MAPK1IP1L: variants seen among roughly 807,000 people sequenced by gnomAD.
The protein encoded by MAPK1IP1L is mitogen-activated protein kinase 1 interacting protein 1 like.
Under a neutral mutation model 18.1 loss-of-function variants are expected in MAPK1IP1L, and 10 were observed. That is an observed-to-expected ratio of 0.55 (90% CI 0.34 to 0.94). The LOEUF (loss-of-function observed/expected upper bound fraction) is 0.94. Ranked by LOEUF, MAPK1IP1L falls within the 40% of genes least tolerant of loss-of-function variation. MAPK1IP1L has a pLI of 0.02. For missense variants in MAPK1IP1L, 260 were observed against 318.2 expected (o/e 0.82, Z 1.39); for synonymous variants, 115 against 117.3 (o/e 0.98, Z 0.13).
intron 1 of MAPK1IP1L, among the ~76,000 whole-genome samples, chr14:55,052,146 G>A (rs1235621290): frequency 2.1e-5 from 3 of 140,896 alleles, no homozygotes; most frequent in African/African-American, 5.2e-5. Context: ...CGGCGGGCGC[G>A]ACCCGCTAGG....
chr14:55,064,467 T>TA, intron 3 of MAPK1IP1L, 149 bp from the exon 4 acceptor site: 1 of 584,200 alleles, frequency 1.7e-6, no homozygotes, highest in East Asian at 2.9e-5. Flanking sequence ...TATCTAAAAA[T>TA]ATTTGTTTTG....
chr14:55,052,637 T>C (rs2140255926), intron 1 of MAPK1IP1L, among the ~76,000 whole-genome samples: 1 of 152,134 alleles, frequency 6.6e-6, no homozygotes, highest in Middle Eastern at 3.4e-3. Context: ...CACCTGGGGG[T>C]TGTAAAGGTC....
intron 1 of MAPK1IP1L, among the ~76,000 whole-genome samples, chr14:55,058,125 G>T (rs182299108): frequency 1.3e-5 from 2 of 152,120 alleles, no homozygotes; most frequent in Non-Finnish European, 2.9e-5. Context: ...CTACACCCAC[G>T]CTCACAGACT....
At chr14:55,058,400 A>T (rs1434243474) in intron 1 of MAPK1IP1L, among the ~76,000 whole-genome samples, 1 of 152,254 alleles carries the variant, frequency 6.6e-6, no homozygotes, top group Non-Finnish European at 1.5e-5. Context: ...AGAAGAAAAG[A>T]GCCTATTTAC....
In MAPK1IP1L at chr14:55,065,436, T is replaced by C. The variant is rs532357147; in HGVS notation, c.*809T>C. The C allele has an allele frequency of 5.9e-5, 9 of 152,356 alleles. No individual in the cohort carries two copies. The East Asian group carries it at 1.7e-3, about 29-fold the overall frequency. The allele number at this position is 152,356 out of a possible 1,614,324, so 9.4% of individuals were successfully genotyped here. ...TCGAGGAAGGAAATAATTCTCTCCT[T>C]TGTTTTGAACCTCAAACTAGATAAA... On this transcript the variant is annotated 3_prime_UTR_variant, in exon 4 of 4. Coordinates refer to ENST00000395468, the MANE Select transcript of MAPK1IP1L (RefSeq NM_144578.4).
At chr14:55,056,508 T>G (rs1339274105) in intron 1 of MAPK1IP1L, among the ~76,000 whole-genome samples, 1 of 151,976 alleles carries the variant, frequency 6.6e-6, no homozygotes, top group Admixed American at 6.6e-5. Context: ...TGTATGTGGG[T>G]TTTTTTGTTT....
Position 55,063,144 on chromosome 14 carries a change from C to A in MAPK1IP1L, c.545C>A (p.Ala182Asp). The A allele has an allele frequency of 6.2e-7, 1 of 1,614,054 alleles. No individual in the cohort carries two copies. The highest frequency in any genetic ancestry group is 1.1e-5 in the South Asian group (1 of 91,068). Residue 182 changes from alanine (A) to aspartate (D), a missense_variant, in exon 3 of 4, where the codon GCC (alanine) becomes GAC (aspartate). By Grantham distance (126) the Ala-to-Asp change is moderately radical. Transcript: ENST00000395468. ...GPYPAPPPPQ[A>D]PGAAPPVPWG... ...TATCCCGCTCCTCCTCCTCCCCAAG[C>A]CCCTGGGGCAGCACCACCTGTTCCA... is the stretch of plus-strand genomic sequence containing the variant.
At chr14:55,055,052 T>A (rs562984158) in intron 1 of MAPK1IP1L, among the ~76,000 whole-genome samples, 27 of 152,338 alleles carry the variant, frequency 1.8e-4, no homozygotes, top group African/African-American at 6.5e-4. Flanking sequence ...GTATAAATTG[T>A]TTTTATGAGT....
At chr14:55,063,468 A>G (rs1477436453) in intron 3 of MAPK1IP1L, 143 bp downstream of exon 3, 1 of 691,480 alleles carries the variant, frequency 1.4e-6, no homozygotes, top group Non-Finnish European at 2.3e-6. Flanking sequence ...GTAAATTTCA[A>G]ACCTTCAGGT....
At chr14:55,053,737 G>C (rs1208111558) in intron 1 of MAPK1IP1L, among the ~76,000 whole-genome samples, 1 of 151,978 alleles carries the variant, frequency 6.6e-6, no homozygotes, top group Non-Finnish European at 1.5e-5. Context: ...TTTCCCTAGG[G>C]CCCATTTCAC....
chr14:55,062,715 C>G lies in MAPK1IP1L; in HGVS notation c.116C>G (p.Pro39Arg). 1 of 1,614,190 alleles carries G rather than the reference C, an allele frequency of 6.2e-7. No homozygotes were observed. The highest frequency in any genetic ancestry group is 8.5e-7 in the Non-Finnish European group (1 of 1,180,028). Residue 39 changes from proline (P) to arginine (R), a missense_variant, in exon 3 of 4, where the codon CCT becomes CGT. Physicochemically the swap from Pro to Arg is moderately radical, Grantham distance 103 (BLOSUM62 -2). Transcript: ENST00000395468. Reference sequence around the variant, plus strand: ...CCTCAAGGCTGGCCAGGCTCCAACCCTTGGAATAATCCGAGTGCTCCATCT... The same window carrying G: ...CCTCAAGGCTGGCCAGGCTCCAACCGTTGGAATAATCCGAGTGCTCCATCT... ...QPPQGWPGSN[P>R]WNNPSAPSSV... is the part of the protein sequence containing the mutation.
chr14:55,069,466 G>C lies in MAPK1IP1L; in HGVS notation c.*4839G>C, dbSNP rs1366081423. 1 of 152,558 alleles carries C rather than the reference G, an allele frequency of 6.6e-6. No individual in the cohort carries two copies. Among genetic ancestry groups the C allele is most frequent in the Non-Finnish European group, 1.5e-5 (1 of 68,020 alleles). 9.5% of individuals were successfully genotyped at this position (152,558 alleles called of 1,614,324 possible). A position where few individuals can be genotyped will look rare whatever the true frequency, so the allele number is the denominator to read the frequency against. On this transcript the variant is annotated 3_prime_UTR_variant, in exon 4 of 4. Coordinates refer to ENST00000395468, the MANE Select transcript of MAPK1IP1L (RefSeq NM_144578.4). ...GAATAGGCTATGGATGTGATACTTGGTATTTTTTAAGATAAACTTGTTTGC... is the reference window on the plus strand; with the variant it reads ...GAATAGGCTATGGATGTGATACTTGCTATTTTTTAAGATAAACTTGTTTGC...
intron 1 of MAPK1IP1L, among the ~76,000 whole-genome samples, chr14:55,060,060 A>G (rs1455745453): frequency 6.6e-6 from 1 of 152,152 alleles, no homozygotes; most frequent in Admixed American, 6.5e-5. Context: ...CGTATAGGAA[A>G]ACATTGATAG....
chr14:55,066,445 ACTGTTGAACT>A lies in MAPK1IP1L; in HGVS notation c.*1825_*1834del, dbSNP rs778945371. The stretch of plus-strand genomic sequence containing the variant: ...AGGACAGGTGTTAGCTGTCTACAAT[ACTGTTGAACT>A]CTGTTGTCAAAGTAGCCCCCTTAGT... On this transcript the variant is annotated 3_prime_UTR_variant, in exon 4 of 4. Transcript: ENST00000395468. The A allele has an allele frequency of 5.9e-5, 9 of 152,224 alleles. No individual in the cohort carries two copies. Among genetic ancestry groups the A allele is most frequent in the Non-Finnish European group, 1.2e-4 (8 of 68,032 alleles). The allele number at this position is 152,224 out of a possible 1,614,324, so 9.4% of individuals were successfully genotyped here.
At chr14:55,054,499 C>A (rs1022390229) in intron 1 of MAPK1IP1L, among the ~76,000 whole-genome samples, 2 of 152,084 alleles carry the variant, frequency 1.3e-5, no homozygotes, top group African/African-American at 4.8e-5. Flanking sequence ...ACAAATCAAC[C>A]CAAAAATTTT....
At chr14:55,052,268 CTCAT>C (rs2042736455) in intron 1 of MAPK1IP1L, among the ~76,000 whole-genome samples, 1 of 152,182 alleles carries the variant, frequency 6.6e-6, no homozygotes, top group Admixed American at 6.5e-5. Flanking sequence ...CCCTATTACA[CTCAT>C]TCATTAATTT....
intron 1 of MAPK1IP1L, among the ~76,000 whole-genome samples, chr14:55,056,008 A>G (rs1341531856): frequency 2.0e-5 from 3 of 152,150 alleles, no homozygotes; most frequent in Non-Finnish European, 4.4e-5. Context: ...GGTAATTAAA[A>G]CCACAGATAA....
intron 2 of MAPK1IP1L, 68 bp from the exon 3 acceptor site, chr14:55,062,550 T>C: frequency 1.6e-6 from 2 of 1,274,454 alleles, no homozygotes; most frequent in Non-Finnish European, 2.2e-6. Flanking sequence ...CTATTCTCTG[T>C]GGGTTTATAA....
chr14:55,051,920 A>G, intron 1 of MAPK1IP1L, 117 bp downstream of exon 1: 1 of 401,438 alleles, frequency 2.5e-6, no homozygotes, highest in Non-Finnish European at 4.9e-6. Flanking sequence ...GCATCGAGTC[A>G]CGTCCAGTGC....
Sources: gnomAD v4.1 joint callset for allele counts (sites outside exome capture counted in the v4.1 genomes callset) on GRCh38, gnomAD v4.1.1 for gene constraint, MANE v1.5 for transcripts, NCBI Gene and HGNC (gene_info 2026-07-23, HGNC 2026-07-21) for gene names.